The following PGCKA1 variants were observed in gnomAD, a reference collection of about 807,000 sequenced individuals.
The protein encoded by PGCKA1 is PDCD10 and GCKIII kinases-associated protein 1.
chr4:37,478,177 T>C, the PGCKA1 span, among the ~76,000 whole-genome samples: 4 of 141,974 alleles, frequency 2.8e-5, no homozygotes, highest in Admixed American at 7.3e-5. Context: ...GTGCTGCCAT[T>C]AGTGATCTCC....
At chr4:37,493,260 T>C in the PGCKA1 span, among the ~76,000 whole-genome samples, 2 of 152,176 alleles carry the variant, frequency 1.3e-5, no homozygotes, top group African/African-American at 2.4e-5. Flanking sequence ...TACCAACATA[T>C]CTACACAGAG....
At chr4:37,454,025 C>T in the PGCKA1 span, 2 of 160,514 alleles carry the variant, frequency 1.2e-5, no homozygotes, top group Admixed American at 6.5e-5. Context: ...CCGCCGCCGC[C>T]GCCGTCTGGC....
chr4:37,554,484 A>C, the PGCKA1 span, among the ~76,000 whole-genome samples: 1 of 152,070 alleles, frequency 6.6e-6, no homozygotes, highest in Non-Finnish European at 1.5e-5. Context: ...AGTAGCTGGG[A>C]CTACAGGCAT....
At chr4:37,506,637 G>A in the PGCKA1 span, among the ~76,000 whole-genome samples, 1 of 151,392 alleles carries the variant, frequency 6.6e-6, no homozygotes, top group South Asian at 2.1e-4. Flanking sequence ...TTGTGGTTAG[G>A]GAAGATGCTT....
the PGCKA1 span, chr4:37,590,077 C>T: frequency 6.3e-7 from 1 of 1,597,956 alleles, no homozygotes; most frequent in Non-Finnish European, 8.5e-7. Flanking sequence ...TTTTCATTGT[C>T]TTTCCTGAAG....
At chr4:37,573,826 A>G in the PGCKA1 span, among the ~76,000 whole-genome samples, 3 of 152,226 alleles carry the variant, frequency 2.0e-5, no homozygotes, top group South Asian at 6.2e-4. Flanking sequence ...TGCTTTCAAC[A>G]TCTCCTACCA....
the PGCKA1 span, among the ~76,000 whole-genome samples, chr4:37,520,974 T>C: frequency 6.6e-6 from 1 of 152,204 alleles, no homozygotes. Context: ...TTAGTCTGGC[T>C]AAAGGTTTGC....
At chr4:37,467,904 GAA>G in the PGCKA1 span, among the ~76,000 whole-genome samples, 1 of 152,204 alleles carries the variant, frequency 6.6e-6, no homozygotes, top group African/African-American at 2.4e-5. Context: ...AAAATTTGGG[GAA>G]AAGAAAGACT....
the PGCKA1 span, among the ~76,000 whole-genome samples, chr4:37,589,322 C>G: frequency 1.3e-5 from 2 of 152,190 alleles, no homozygotes. Context: ...AATATACTGT[C>G]TTTTTAATCA....
At chr4:37,549,744 A>C in the PGCKA1 span, among the ~76,000 whole-genome samples, 377 of 152,236 alleles carry the variant, frequency 2.5e-3, 1 homozygote, top group African/African-American at 8.4e-3. Context: ...TTATTCTAGT[A>C]GGCCCAACCT....
the PGCKA1 span, chr4:37,589,936 C>G: frequency 1.4e-6 from 1 of 710,216 alleles, no homozygotes; most frequent in Non-Finnish European, 2.4e-6. Context: ...ATTTTTATAC[C>G]AACTATATCT....
At chr4:37,465,276 C>G in the PGCKA1 span, among the ~76,000 whole-genome samples, 5 of 151,708 alleles carry the variant, frequency 3.3e-5, no homozygotes, top group Admixed American at 6.6e-5. Flanking sequence ...ACCTAAATAC[C>G]CTTTTATTGA....
At chr4:37,471,203 T>C in the PGCKA1 span, among the ~76,000 whole-genome samples, 1 of 152,238 alleles carries the variant, frequency 6.6e-6, no homozygotes, top group Admixed American at 6.5e-5. Context: ...TGAGCTTACA[T>C]TGGCTAAACT....
chr4:37,462,836 A>C, the PGCKA1 span, among the ~76,000 whole-genome samples: 1 of 152,036 alleles, frequency 6.6e-6, no homozygotes, highest in Non-Finnish European at 1.5e-5. Context: ...CTACTAAAAA[A>C]ATACAAAAAA....
the PGCKA1 span, among the ~76,000 whole-genome samples, chr4:37,453,575 A>T: frequency 6.6e-6 from 1 of 152,106 alleles, no homozygotes; most frequent in East Asian, 1.9e-4. Context: ...CAGCGGGTGC[A>T]TTTGTTTTGT....
the PGCKA1 span, among the ~76,000 whole-genome samples, chr4:37,578,070 C>G: frequency 1.3e-5 from 2 of 152,180 alleles, no homozygotes; most frequent in Non-Finnish European, 2.9e-5. Flanking sequence ...TCCGTTTGAT[C>G]TACAGTACAG....
chr4:37,537,869 G>A, the PGCKA1 span, among the ~76,000 whole-genome samples: 4 of 152,254 alleles, frequency 2.6e-5, no homozygotes, highest in East Asian at 1.9e-4. Flanking sequence ...TTCCATTATC[G>A]TAAAATGAAG....
At chr4:37,564,305 C>T in the PGCKA1 span, among the ~76,000 whole-genome samples, 4 of 145,308 alleles carry the variant, frequency 2.8e-5, no homozygotes, top group African/African-American at 5.1e-5. Flanking sequence ...GAAAAAAAAC[C>T]GAATATTCTC....
chr4:37,453,789 G>C, the PGCKA1 span, among the ~76,000 whole-genome samples: 5 of 152,124 alleles, frequency 3.3e-5, no homozygotes, highest in Admixed American at 3.3e-4. Context: ...TCGTACTCCA[G>C]GGTTTCGAGC....
Sources: allele counts gnomAD v4.1 joint callset (sites outside exome capture counted in the v4.1 genomes callset), GRCh38; gene constraint gnomAD v4.1.1; transcripts MANE v1.5; gene names NCBI Gene and HGNC (gene_info 2026-07-23, HGNC 2026-07-21).